Variants in SLC22A16 observed in about 807,000 individuals in gnomAD.
The protein encoded by SLC22A16 is WUGSC:RG331P03.1.
In SLC22A16, 53 loss-of-function variants were observed where a neutral mutation model predicts 52.9. That is an observed-to-expected ratio of 1.00 (90% CI 0.80 to 1.26). The LOEUF is 1.26. Ranked by LOEUF, SLC22A16 falls within the 50% of genes most tolerant of loss-of-function variation. SLC22A16 has a pLI of 0.00. For missense variants in SLC22A16, 726 were observed against 704.0 expected, an observed-to-expected ratio of 1.03 and a Z score of -0.35; for synonymous variants, 291 against 268.8, an observed-to-expected ratio of 1.08 and a Z score of -0.81.
At chr6:110,453,320 C>T (rs1775455106) in intron 2 of SLC22A16, among the ~76,000 whole-genome samples, 1 of 152,066 alleles carries the variant, frequency 6.6e-6, no homozygotes, top group African/African-American at 2.4e-5. Context: ...ACTCATGGTC[C>T]CTTTTAATTA....
chr6:110,450,263 GA>G (rs1251773096), intron 2 of SLC22A16, among the ~76,000 whole-genome samples: 1 of 152,148 alleles, frequency 6.6e-6, no homozygotes, highest in Non-Finnish European at 1.5e-5. Context: ...AAGACATTTA[GA>G]ATAGTACCTA....
At chr6:110,448,625 A>G (rs1419887216) in intron 2 of SLC22A16, among the ~76,000 whole-genome samples, 1 of 152,158 alleles carries the variant, frequency 6.6e-6, no homozygotes, top group African/African-American at 2.4e-5. Flanking sequence ...TCCCCAATCT[A>G]ATTTTATCCC....
intron 7 of SLC22A16, among the ~76,000 whole-genome samples, chr6:110,426,569 G>A (rs34103065): frequency 6.6e-6 from 1 of 152,154 alleles, no homozygotes; most frequent in Non-Finnish European, 1.5e-5. Flanking sequence ...CCTCCTCAGA[G>A]ATCTCCCTCC....
At chr6:110,437,040 G>A (rs1774762900) in intron 5 of SLC22A16, among the ~76,000 whole-genome samples, 1 of 152,062 alleles carries the variant, frequency 6.6e-6, no homozygotes, top group African/African-American at 2.4e-5. Context: ...GGCCAGCTAG[G>A]TACAAATACA....
chr6:110,466,802 A>G (rs1776079204), intron 1 of SLC22A16, among the ~76,000 whole-genome samples: 1 of 152,186 alleles, frequency 6.6e-6, no homozygotes, highest in Admixed American at 6.5e-5. Context: ...AGAAATCATT[A>G]TATCAAAAAG....
At chr6:110,447,867 C>T (rs1775235883) in intron 2 of SLC22A16, among the ~76,000 whole-genome samples, 1 of 152,196 alleles carries the variant, frequency 6.6e-6, no homozygotes, top group African/African-American at 2.4e-5. Context: ...CTGAGTAGCA[C>T]CATTATACGG....
Position 110,455,668 on chromosome 6 carries a change from G to A in SLC22A16, c.533+870C>T, listed in dbSNP as rs149562466. 57 of 152,264 alleles carry A rather than the reference G, an allele frequency of 3.7e-4. No individual in the cohort carries two copies. The East Asian group carries it at 5.4e-3, about 14-fold the overall frequency. The allele number at this position is 152,264 out of a possible 1,614,324, so 9.4% of individuals were successfully genotyped here. A position where few individuals can be genotyped will look rare whatever the true frequency, so the allele number is the denominator to read the frequency against. ...GTAAATTTTTAAAAATATATGGCCA[G>A]GTTATGCTTTGAATGATAGTATTCC... On this transcript the variant is annotated intron_variant, in intron 2 of 7. Coordinates refer to ENST00000368919, the MANE Select transcript of SLC22A16 (RefSeq NM_033125.4).
rs113141319 is a variant in SLC22A16, at chr6:110,442,443, C to T, written c.984G>A (p.Leu328=). The change falls in exon 4 of 8, where the codon CTG becomes CTA. Residue 328 remains leucine (L), a synonymous_variant. Coordinates refer to ENST00000368919, the MANE Select transcript of SLC22A16 (RefSeq NM_033125.4). ...SSCKLSELLS[L]DLQGPVSNSP... is the part of the protein sequence containing the mutation. ...TATTACTAACAGGACCTTGTAGGTCCAGTGATAAAAGTTCTGACAGTTTAC... is the reference window on the plus strand; with the variant it reads ...TATTACTAACAGGACCTTGTAGGTCTAGTGATAAAAGTTCTGACAGTTTAC... The T allele has an allele frequency of 6.2e-6, 10 of 1,614,218 alleles. No homozygotes were observed. Among genetic ancestry groups the T allele is most frequent in the African/African-American group, 2.7e-5 (2 of 75,054 alleles).
intron 3 of SLC22A16, among the ~76,000 whole-genome samples, chr6:110,443,609 C>G (rs1354897139): frequency 6.6e-6 from 1 of 152,050 alleles, no homozygotes; most frequent in Non-Finnish European, 1.5e-5. Context: ...ATGGCACAGC[C>G]TCTAGGAAAA....
At chr6:110,430,001 G>T (rs916502529) in intron 7 of SLC22A16, among the ~76,000 whole-genome samples, 1 of 152,042 alleles carries the variant, frequency 6.6e-6, no homozygotes, top group Admixed American at 6.5e-5. Context: ...GGGGAGCTGT[G>T]CAGGGGGTCA....
chr6:110,474,309 G>A (rs1303945408), intron 1 of SLC22A16, among the ~76,000 whole-genome samples: 2 of 152,116 alleles, frequency 1.3e-5, no homozygotes, highest in African/African-American at 4.8e-5. Context: ...AAAAGGTTGG[G>A]GACCACTGCT....
chr6:110,433,051 T>C (rs1229382901), intron 6 of SLC22A16, among the ~76,000 whole-genome samples: 1 of 152,206 alleles, frequency 6.6e-6, no homozygotes, highest in Non-Finnish European at 1.5e-5. Context: ...TTCCACAACC[T>C]GTAAAATGGA....
chr6:110,445,743 A>G (rs1775146744), intron 3 of SLC22A16, among the ~76,000 whole-genome samples: 1 of 152,212 alleles, frequency 6.6e-6, no homozygotes, highest in Non-Finnish European at 1.5e-5. Context: ...TGATGTTTAT[A>G]CTTTCTTAGT....
intron 2 of SLC22A16, among the ~76,000 whole-genome samples, chr6:110,448,709 G>C (rs1051512684): frequency 6.6e-6 from 1 of 152,044 alleles, no homozygotes; most frequent in Non-Finnish European, 1.5e-5. Context: ...TTCTCTCTCT[G>C]TAGATGAACA....
chr6:110,463,535 A>AAAC, intron 1 of SLC22A16, among the ~76,000 whole-genome samples: 2 of 150,566 alleles, frequency 1.3e-5, no homozygotes, highest in African/African-American at 2.4e-5. Flanking sequence ...AAAAAAAAAA[A>AAAC]AGACAAAGAA....
intron 2 of SLC22A16, chr6:110,455,625 T>G (rs184904093): frequency 6.6e-6 from 1 of 152,188 alleles, no homozygotes; most frequent in Non-Finnish European, 1.5e-5. Flanking sequence ...ATTTTAAGAA[T>G]TACATATTCA....
rs1425991590 is a variant in SLC22A16, at chr6:110,476,588, A to C, written c.-14T>G. 4 of 1,522,062 alleles carry C rather than the reference A, an allele frequency of 2.6e-6. No homozygotes were observed. Among genetic ancestry groups the C allele is most frequent in the African/African-American group, 1.5e-5 (1 of 67,956 alleles). 94.3% of individuals were successfully genotyped at this position (1,522,062 alleles called of 1,614,324 possible). A position where few individuals can be genotyped will look rare whatever the true frequency, so the allele number is the denominator to read the frequency against. On this transcript the variant is annotated 5_prime_UTR_variant, in exon 1 of 8. Transcript: ENST00000368919. ...GCGGGACCCCATGGTGCGGCCGTGCACTGGGCGCCGAGTTAGCCGAGCTCC... is the reference window on the plus strand; with the variant it reads ...GCGGGACCCCATGGTGCGGCCGTGCCCTGGGCGCCGAGTTAGCCGAGCTCC...
At position 110,438,709 on chromosome 6, in the gene SLC22A16, A is replaced by C; in HGVS notation, c.1311+11T>G. The C allele has an allele frequency of 6.2e-7, 1 of 1,608,712 alleles. No homozygotes were observed. Among genetic ancestry groups the C allele is most frequent in the Non-Finnish European group, 8.5e-7 (1 of 1,178,036 alleles). Reference sequence around the variant, plus strand: ...GTATAACTGTCTTATAAAAAACAGAAGATAACTCACCTGGGGGATCACCAT... The same window carrying C: ...GTATAACTGTCTTATAAAAAACAGACGATAACTCACCTGGGGGATCACCAT... On this transcript the variant is annotated intron_variant, in intron 5 of 7. Transcript: ENST00000368919.
chr6:110,455,237 A>G (rs929907094), intron 2 of SLC22A16, among the ~76,000 whole-genome samples: 3 of 151,732 alleles, frequency 2.0e-5, no homozygotes, highest in Non-Finnish European at 4.4e-5. Context: ...CAGCAAATGT[A>G]TTTTAGTACA....
Sources: allele counts gnomAD v4.1 joint callset (sites outside exome capture counted in the v4.1 genomes callset), GRCh38; gene constraint gnomAD v4.1.1; transcripts MANE v1.5; gene names NCBI Gene and HGNC (gene_info 2026-07-23, HGNC 2026-07-21).